Variants in DCLRE1C observed in about 807,000 individuals in gnomAD.
DCLRE1C encodes the protein protein artemis.
In DCLRE1C, 47 loss-of-function variants were observed where a neutral mutation model predicts 61.4. That is an observed-to-expected ratio of 0.77 (90% CI 0.61 to 0.98). DCLRE1C has a LOEUF of 0.98. Among genes scored for constraint, DCLRE1C ranks in the 50% least tolerant of loss-of-function variants. The probability of loss-of-function intolerance (pLI) is 0.00; values close to 1 mark genes in which losing one functional copy is unlikely to be tolerated. For missense variants in DCLRE1C, 858 were observed against 816.0 expected (o/e 1.05, Z -0.63); for synonymous variants, 337 against 287.6 (o/e 1.17, Z -1.74).
chr10:14,915,035 A>G (rs1245462174), intron 13 of DCLRE1C, among the ~76,000 whole-genome samples: 1 of 152,190 alleles, frequency 6.6e-6, no homozygotes, highest in East Asian at 1.9e-4. Flanking sequence ...CAAAATTCAG[A>G]AACTAGTAAC....
chr10:14,908,549 C>T lies in DCLRE1C; in HGVS notation c.1938G>A (p.Gln646=), dbSNP rs755325293. 5 of 1,614,176 alleles carry T rather than the reference C, an allele frequency of 3.1e-6. No individual in the cohort carries two copies. Among genetic ancestry groups the T allele is most frequent in the East Asian group, 4.5e-5 (2 of 44,870 alleles). The part of the protein sequence containing the change: ...LLNLSTNADS[Q]SSSDFEVPST... ...AGGGAACTTCAAAATCAGAAGAGCT[C>T]TGGGAATCTGCATTTGTGCTAAGAT... Residue 646 remains glutamine (Q), a synonymous_variant, in exon 14 of 14, where the codon CAG becomes CAA. Coordinates refer to ENST00000378278, the MANE Select transcript of DCLRE1C (RefSeq NM_001033855.3).
chr10:14,937,877 G>A (rs372830162), intron 4 of DCLRE1C, among the ~76,000 whole-genome samples: 212 of 131,962 alleles, frequency 1.6e-3, no homozygotes, highest in African/African-American at 5.5e-3. Context: ...CTGGGCGACA[G>A]AGTAAGGCTC....
At chr10:14,913,923 T>G (rs1157916085) in intron 13 of DCLRE1C, among the ~76,000 whole-genome samples, 17 of 152,044 alleles carry the variant, frequency 1.1e-4, no homozygotes, top group Admixed American at 1.1e-3. Context: ...AATCAGTGAG[T>G]TACACAGCCA....
chr10:14,946,202 T>A (rs2131127568), intron 2 of DCLRE1C, among the ~76,000 whole-genome samples: 1 of 150,746 alleles, frequency 6.6e-6, no homozygotes, highest in Non-Finnish European at 1.5e-5. Flanking sequence ...GAAATGGGGT[T>A]TCACCGTGTT....
rs559876280 is a variant in DCLRE1C, at chr10:14,934,662, G to C, written c.537+41C>G. The C allele has an allele frequency of 3.7e-6, 6 of 1,610,860 alleles. No homozygotes were observed. The African/African-American group carries it at 6.7e-5, about 18-fold the overall frequency. ...TACAAACTTCCTACTAAAAACACGG[G>C]CACACCCAGATGATAACCCTGTTCC... On this transcript the variant is annotated intron_variant, in intron 7 of 13. Coordinates refer to ENST00000378278, the MANE Select transcript of DCLRE1C (RefSeq NM_001033855.3).
chr10:14,941,126 C>T (rs1397865467), intron 3 of DCLRE1C, among the ~76,000 whole-genome samples: 1 of 152,218 alleles, frequency 6.6e-6, no homozygotes, highest in Non-Finnish European at 1.5e-5. Context: ...GATCCCTCCA[C>T]CTCAGCCTCC....
At chr10:14,914,029 A>T (rs1399754406) in intron 13 of DCLRE1C, among the ~76,000 whole-genome samples, 1 of 152,234 alleles carries the variant, frequency 6.6e-6, no homozygotes, top group Non-Finnish European at 1.5e-5. Flanking sequence ...AAATAGCAAG[A>T]GGATAAACTT....
At position 14,905,114 on chromosome 10, in the gene DCLRE1C, T is replaced by G. The variant is rs1348606433; in HGVS notation, c.*3294A>C. On this transcript the variant is annotated 3_prime_UTR_variant, in exon 14 of 14. Coordinates refer to ENST00000378278, the MANE Select transcript of DCLRE1C (RefSeq NM_001033855.3). ...GACTATAAAAGGGGCAGAAAAATAC[T>G]GATGTATTGACTACGTGCTAGCAAG... Among the ~76,000 whole-genome samples the G allele has an allele frequency of 2.6e-5, 4 of 152,276 alleles. No homozygotes were observed. The highest frequency in any genetic ancestry group is 5.9e-5 in the Non-Finnish European group (4 of 68,048).
At chr10:14,904,045 C>T (rs1226177956), downstream of DCLRE1C, 1 of 152,246 alleles carries the variant, frequency 6.6e-6, no homozygotes, top group Non-Finnish European at 1.5e-5. Context: ...TGGCTCACAC[C>T]TGTGATCCCA....
rs187106332 is a variant in DCLRE1C, at chr10:14,943,213, T to C, written c.246+1892A>G. ...CCACAATGATTTAAGAACTAATCCA[T>C]GTAATGAACCCACATTCTGTTAAGT... On this transcript the variant is annotated intron_variant, in intron 3 of 13. Transcript: ENST00000378278. 1.7e-3 allele frequency among the ~76,000 whole-genome samples: 254 copies of C among 152,328 alleles called. 10 individuals carry two copies. The East Asian group carries it at 0.044, about 26-fold the overall frequency.
chr10:14,938,251 A>G (rs1231769666), intron 4 of DCLRE1C, among the ~76,000 whole-genome samples: 1 of 152,204 alleles, frequency 6.6e-6, no homozygotes, highest in South Asian at 2.1e-4. Context: ...GCCTTTCACC[A>G]ATATCCCTGA....
chr10:14,937,281 C>CTT (rs1162058273), intron 4 of DCLRE1C, among the ~76,000 whole-genome samples: 210 of 110,588 alleles, frequency 1.9e-3, no homozygotes, highest in East Asian at 2.8e-3. Context: ...AAGCTATTTA[C>CTT]TTTTTTTTTT....
In DCLRE1C at chr10:14,905,925, T is replaced by C. The variant is rs1834355140; in HGVS notation, c.*2483A>G. ...TGAACCCTGGAGGCTGAGGTTGCAG[T>C]GAGCTGAGATAGGGCCACTGCATTC... On this transcript the variant is annotated 3_prime_UTR_variant, in exon 14 of 14. Coordinates refer to ENST00000378278, the MANE Select transcript of DCLRE1C (RefSeq NM_001033855.3). Among the ~76,000 whole-genome samples, 1 of 152,162 alleles carries C rather than the reference T, an allele frequency of 6.6e-6. No individual in the cohort carries two copies. Among genetic ancestry groups the C allele is most frequent in the Non-Finnish European group, 1.5e-5 (1 of 68,018 alleles).
intron 13 of DCLRE1C, chr10:14,899,407 ATGTT>A: frequency 1.1e-6 from 1 of 927,778 alleles, no homozygotes; most frequent in Non-Finnish European, 1.6e-6. Context: ...GTTTGTGTGA[ATGTT>A]TGCTTTGATG....
Position 14,907,433 on chromosome 10 carries a change from C to T in DCLRE1C, c.*975G>A, listed in dbSNP as rs116007944. ...TCTATAAATGTCAATTTAATCCAGT[C>T]GGCTTATGATTTTCAGTTCTATATT... On this transcript the variant is annotated 3_prime_UTR_variant, in exon 14 of 14. Transcript: ENST00000378278. 0.012 allele frequency among the ~76,000 whole-genome samples: 1,774 copies of T among 151,836 alleles called. 32 individuals carry two copies. Among genetic ancestry groups the T allele is most frequent in the African/African-American group, 0.04 (1,644 of 41,380 alleles).
chr10:14,913,235 G>A (rs996554584), intron 13 of DCLRE1C, among the ~76,000 whole-genome samples: 8 of 152,250 alleles, frequency 5.3e-5, no homozygotes, highest in Non-Finnish European at 8.8e-5. Flanking sequence ...GCCTAAGGCC[G>A]GGAATAGTAA....
chr10:14,949,416 C>T (rs1472933832), intron 1 of DCLRE1C, among the ~76,000 whole-genome samples: 1 of 152,230 alleles, frequency 6.6e-6, no homozygotes, highest in Admixed American at 6.5e-5. Context: ...TTCAATCCAA[C>T]CATCCTTCGA....
chr10:14,901,303 TA>T (rs1408232664), downstream of DCLRE1C: 1 of 1,611,184 alleles, frequency 6.2e-7, no homozygotes, highest in African/African-American at 1.3e-5. Context: ...TCAGTTTCAA[TA>T]TGAAGAATCA....
chr10:14,953,001 G>C (rs1842674720), intron 1 of DCLRE1C, among the ~76,000 whole-genome samples: 1 of 152,192 alleles, frequency 6.6e-6, no homozygotes, highest in South Asian at 2.1e-4. Flanking sequence ...GGTACAGATA[G>C]GTTTGTTACG....
Sources: allele counts gnomAD v4.1 joint callset (sites outside exome capture counted in the v4.1 genomes callset), GRCh38; gene constraint gnomAD v4.1.1; transcripts MANE v1.5; gene names NCBI Gene and HGNC (gene_info 2026-07-23, HGNC 2026-07-21).